Variants in PHF21A observed in about 807,000 individuals in gnomAD.
PHF21A encodes PHD finger protein 21A, also known as BHC80a.
Under a neutral mutation model 82.5 loss-of-function variants are expected in PHF21A, and 11 were observed. That is an observed-to-expected ratio of 0.13 (90% CI 0.08 to 0.22). The LOEUF (loss-of-function observed/expected upper bound fraction) is 0.22, where lower values mean the gene tolerates loss of function less well. PHF21A is among the 10% of genes least tolerant of loss of function. PHF21A has a pLI of 1.00. For missense variants in PHF21A, 579 were observed against 837.8 expected (o/e 0.69, Z 3.81); for synonymous variants, 297 against 302.8 (o/e 0.98, Z 0.20).
intron 6 of PHF21A, among the ~76,000 whole-genome samples, chr11:46,034,742 G>A (rs952922787): frequency 2.6e-5 from 4 of 151,988 alleles, no homozygotes; most frequent in Non-Finnish European, 4.4e-5. Flanking sequence ...TGAGACACAC[G>A]CACCTGCAGA....
intron 1 of PHF21A, among the ~76,000 whole-genome samples, chr11:46,113,036 T>C (rs1260065558): frequency 6.6e-6 from 1 of 152,200 alleles, no homozygotes; most frequent in East Asian, 1.9e-4. Context: ...ATAATATTAG[T>C]AATCAAACTA....
chr11:46,057,961 C>G (rs2096483590), intron 6 of PHF21A, among the ~76,000 whole-genome samples: 1 of 152,162 alleles, frequency 6.6e-6, no homozygotes, highest in Admixed American at 6.5e-5. Context: ...TAATTTGTTT[C>G]TGGTGGAAAT....
chr11:46,010,535 T>TG, intron 6 of PHF21A, among the ~76,000 whole-genome samples: 1 of 152,354 alleles, frequency 6.6e-6, no homozygotes, highest in Admixed American at 6.5e-5. Context: ...TTGGGAATAG[T>TG]GGTATGAATA....
chr11:46,037,313 C>T (rs2096025578), intron 6 of PHF21A, among the ~76,000 whole-genome samples: 1 of 152,092 alleles, frequency 6.6e-6, no homozygotes, highest in South Asian at 2.1e-4. Context: ...CTATGAAATT[C>T]CATTCTCTTC....
intron 1 of PHF21A, among the ~76,000 whole-genome samples, chr11:46,106,538 A>G (rs1333021808): frequency 6.6e-6 from 1 of 152,244 alleles, no homozygotes; most frequent in African/African-American, 2.4e-5. Context: ...AATTCAAGTT[A>G]CAAAGTTTGG....
intron 6 of PHF21A, among the ~76,000 whole-genome samples, chr11:46,020,126 AC>A: frequency 6.6e-6 from 1 of 152,044 alleles, no homozygotes; most frequent in South Asian, 2.1e-4. Context: ...GGGCAACTCT[AC>A]CACTCAAAAG....
At chr11:45,970,827 T>C (rs1340801983) in intron 8 of PHF21A, 4 of 354,974 alleles carry the variant, frequency 1.1e-5, no homozygotes, top group Admixed American at 4.4e-5. Context: ...GAGACATAAA[T>C]GAAACAGTGT....
intron 10 of PHF21A, among the ~76,000 whole-genome samples, chr11:45,957,683 GAAGA>G (rs1212465976): frequency 1.1e-5 from 1 of 87,182 alleles, no homozygotes; most frequent in African/African-American, 4.5e-5. Flanking sequence ...TATTAAAAAA[GAAGA>G]AAGAGCTCAA....
intron 6 of PHF21A, among the ~76,000 whole-genome samples, chr11:46,027,984 T>C (rs2138151508): frequency 1.3e-5 from 2 of 152,296 alleles, no homozygotes; most frequent in East Asian, 3.9e-4. Flanking sequence ...AAGGAATTCA[T>C]TTCACTACAG....
rs2093645207 is a variant in PHF21A at position 45,969,711 on chromosome 11, TA to T, written c.702+103del. 1.9e-5 allele frequency: 14 copies of T among 730,136 alleles called. 1 individual carries two copies. In the Admixed American group the frequency reaches 3.3e-4, roughly 17 times the overall value. The allele number at this position is 730,136 out of a possible 1,614,324, so 45.2% of individuals were successfully genotyped here. On this transcript the variant is annotated intron_variant, in intron 9 of 18. Coordinates refer to ENST00000676320, the MANE Select transcript of PHF21A (RefSeq NM_001352027.3). ...AGTCAGAATGTTTAGCTAAGCGGGA[TA>T]GACAGCTGGGCTGACAAGCCCCATT...
chr11:46,050,331 A>C (rs940320453), intron 6 of PHF21A, among the ~76,000 whole-genome samples: 2 of 152,234 alleles, frequency 1.3e-5, no homozygotes, highest in Non-Finnish European at 2.9e-5. Flanking sequence ...TGTTGAAGAA[A>C]AGTGGCCGGC....
At position 45,971,179 on chromosome 11, in the gene PHF21A, A is replaced by G. The variant is rs776919731; in HGVS notation, c.549T>C (p.Ser183=). The change falls in exon 8 of 19, where the codon TCT becomes TCC. Residue 183 remains serine (S), a synonymous_variant. Coordinates refer to ENST00000676320, the MANE Select transcript of PHF21A (RefSeq NM_001352027.3). Reference sequence around the variant, plus strand: ...CTGCCCCAGGCCCAGTGACCTTACTAGACGTCTGGAGGTTGACTGGTGTGT... The same window carrying G: ...CTGCCCCAGGCCCAGTGACCTTACTGGACGTCTGGAGGTTGACTGGTGTGT... The part of the protein sequence containing the change: ...VQNTPVNLQT[S]SKVTGPGAEA... 1 of 1,614,170 alleles carries G rather than the reference A, an allele frequency of 6.2e-7. No individual in the cohort carries two copies. Among genetic ancestry groups the G allele is most frequent in the Non-Finnish European group, 8.5e-7 (1 of 1,180,022 alleles).
intron 17 of PHF21A, 146 bp downstream of exon 17, chr11:45,936,348 C>T (rs2089039766): frequency 3.7e-6 from 2 of 541,108 alleles, no homozygotes; most frequent in Admixed American, 3.4e-5. Context: ...AAAAAGTTTT[C>T]ATTTGCTTTG....
intron 3 of PHF21A, among the ~76,000 whole-genome samples, chr11:46,084,949 G>C (rs954045464): frequency 2.6e-5 from 4 of 151,944 alleles, no homozygotes; most frequent in East Asian, 1.9e-4. Context: ...CAAAGTGCTG[G>C]GATTACAGGC....
intron 15 of PHF21A, among the ~76,000 whole-genome samples, chr11:45,944,907 C>T (rs1480081699): frequency 2.0e-5 from 3 of 152,194 alleles, no homozygotes; most frequent in Non-Finnish European, 4.4e-5. Context: ...ACTGGGATTA[C>T]AGGAGCACGC....
At chr11:45,934,713 A>C (rs1027062979) in intron 18 of PHF21A, 1 of 310,824 alleles carries the variant, frequency 3.2e-6, no homozygotes, top group Non-Finnish European at 6.3e-6. Flanking sequence ...AGGAAGTGAG[A>C]CGACAGGCCA....
intron 6 of PHF21A, among the ~76,000 whole-genome samples, chr11:46,063,495 G>C (rs181091821): frequency 3.9e-5 from 6 of 152,292 alleles, no homozygotes; most frequent in Admixed American, 3.9e-4. Flanking sequence ...TAAAGAGTGT[G>C]ATTGTGTTCT....
intron 6 of PHF21A, among the ~76,000 whole-genome samples, chr11:46,058,701 G>C (rs2096492856): frequency 6.6e-6 from 1 of 152,138 alleles, no homozygotes; most frequent in Admixed American, 6.5e-5. Flanking sequence ...TCTTTTCTCT[G>C]ACAGGGGCTC....
intron 1 of PHF21A, among the ~76,000 whole-genome samples, chr11:46,093,446 C>T (rs765653256): frequency 2.0e-5 from 3 of 152,228 alleles, no homozygotes; most frequent in Non-Finnish European, 4.4e-5. Context: ...GCAGTTAGCA[C>T]TCATTTCCAA....
Sources: gnomAD v4.1 joint callset for allele counts (sites outside exome capture counted in the v4.1 genomes callset) on GRCh38, gnomAD v4.1.1 for gene constraint, MANE v1.5 for transcripts, NCBI Gene and HGNC (gene_info 2026-07-23, HGNC 2026-07-21) for gene names.